LSAMP: variants seen among roughly 807,000 people sequenced by gnomAD.
LSAMP encodes limbic system associated membrane protein, also known as limbic system-associated membrane protein.
Under a neutral mutation model 38.6 loss-of-function variants are expected in LSAMP, and 7 were observed. The observed-to-expected ratio is 0.18, with a 90% CI of 0.10 to 0.34. LSAMP has a LOEUF of 0.34. Among genes scored for constraint, LSAMP ranks in the 10% least tolerant of loss-of-function variants. LSAMP has a pLI of 1.00. For missense variants in LSAMP, 313 were observed against 420.0 expected (o/e 0.75, Z 2.23); for synonymous variants, 154 against 166.8 (o/e 0.92, Z 0.59).
Position 115,810,222 on chromosome 3 carries a change from T to G in LSAMP, c.*95A>C. On this transcript the variant is annotated 3_prime_UTR_variant, in exon 7 of 7. Coordinates refer to ENST00000490035, the MANE Select transcript of LSAMP (RefSeq NM_002338.5). ...GTTGTGAAATAAACGGTCTCCCCCA[T>G]CTCTCTCTCTCTCTCTCTCTCTGTC... 1 of 288,364 alleles carries G rather than the reference T, an allele frequency of 3.5e-6. No homozygotes were observed. The highest frequency in any genetic ancestry group is 8.0e-5 in the South Asian group (1 of 12,522). The allele number at this position is 288,364 out of a possible 1,614,324, so 17.9% of individuals were successfully genotyped here. A position where few individuals can be genotyped will look rare whatever the true frequency, so the allele number is the denominator to read the frequency against.
At chr3:115,886,101 A>G (rs1486543786) in intron 3 of LSAMP, among the ~76,000 whole-genome samples, 2 of 151,932 alleles carry the variant, frequency 1.3e-5, no homozygotes, top group Non-Finnish European at 2.9e-5. Context: ...AAGCTCAAAA[A>G]AAGAGAAAGA....
intron 1 of LSAMP, among the ~76,000 whole-genome samples, chr3:116,270,504 C>CCAT (rs2046957153): frequency 6.6e-6 from 1 of 152,064 alleles, no homozygotes; most frequent in Non-Finnish European, 1.5e-5. Flanking sequence ...GGGTCTGAGG[C>CCAT]CATCAGCAGT....
At chr3:116,405,067 T>C (rs1461642485) in intron 1 of LSAMP, among the ~76,000 whole-genome samples, 1 of 152,136 alleles carries the variant, frequency 6.6e-6, no homozygotes, top group African/African-American at 2.4e-5. Flanking sequence ...TATTGGGCTA[T>C]CTGTAAGTTT....
At chr3:116,073,631 C>T (rs1707665410) in intron 2 of LSAMP, among the ~76,000 whole-genome samples, 1 of 152,136 alleles carries the variant, frequency 6.6e-6, no homozygotes, top group African/African-American at 2.4e-5. Context: ...TCCTTCACTT[C>T]CCTTGTTGGA....
intron 1 of LSAMP, among the ~76,000 whole-genome samples, chr3:116,332,668 A>T (rs1576135153): frequency 6.6e-6 from 1 of 152,284 alleles, no homozygotes; most frequent in East Asian, 1.9e-4. Flanking sequence ...ATGTAAATTG[A>T]TTAAACTCTA....
chr3:116,189,629 G>A (rs1710704995), intron 1 of LSAMP, among the ~76,000 whole-genome samples: 1 of 152,178 alleles, frequency 6.6e-6, no homozygotes. Context: ...CAGGGTAGAA[G>A]AAACGATTAG....
rs1933597119 is a variant in LSAMP at position 115,804,906 on chromosome 3, T to C, written c.*5411A>G. 1 of 152,182 alleles carries C rather than the reference T, an allele frequency of 6.6e-6. No homozygotes were observed. The highest frequency in any genetic ancestry group is 1.5e-5 in the Non-Finnish European group (1 of 68,020). The allele number at this position is 152,182 out of a possible 1,614,324, so 9.4% of individuals were successfully genotyped here. ...ACCAGATAAATAAAAGGTAGTTATTTCCTAGGGTGACTCAGCAAGATATTT... is the reference window on the plus strand; with the variant it reads ...ACCAGATAAATAAAAGGTAGTTATTCCCTAGGGTGACTCAGCAAGATATTT... On this transcript the variant is annotated 3_prime_UTR_variant, in exon 7 of 7. Transcript: ENST00000490035.
At chr3:115,869,647 C>T (rs1285689556) in intron 3 of LSAMP, among the ~76,000 whole-genome samples, 1 of 152,092 alleles carries the variant, frequency 6.6e-6, no homozygotes, top group Non-Finnish European at 1.5e-5. Flanking sequence ...TAGGTACTCA[C>T]TAAATATTAA....
At chr3:116,306,919 G>A (rs1196388176) in intron 1 of LSAMP, among the ~76,000 whole-genome samples, 1 of 151,894 alleles carries the variant, frequency 6.6e-6, no homozygotes, top group Non-Finnish European at 1.5e-5. Context: ...TAGGGTATAT[G>A]AGCTTCCCTG....
intron 1 of LSAMP, among the ~76,000 whole-genome samples, chr3:116,138,823 C>T (rs1576387619): frequency 1.4e-5 from 2 of 146,800 alleles, no homozygotes; most frequent in Non-Finnish European, 1.5e-5. Context: ...CGTAAATTGA[C>T]TTTTTTTTTT....
intron 3 of LSAMP, among the ~76,000 whole-genome samples, chr3:115,984,902 T>C (rs905389767): frequency 6.6e-6 from 1 of 152,056 alleles, no homozygotes. Context: ...GGTGTAAGAG[T>C]GCTTCTTATA....
rs575385000 is a variant in LSAMP, at chr3:116,137,794, C to T, written c.156-51238G>A. Reference sequence around the variant, plus strand: ...TAGAGAAGATCAGGCTGATATTAACCTAGATAATGATGGCCTTATCAAAGG... The same window carrying T: ...TAGAGAAGATCAGGCTGATATTAACTTAGATAATGATGGCCTTATCAAAGG... On this transcript the variant is annotated intron_variant, in intron 1 of 6. Coordinates refer to ENST00000490035, the MANE Select transcript of LSAMP (RefSeq NM_002338.5). Among the ~76,000 whole-genome samples, 5 of 152,206 alleles carry T rather than the reference C, an allele frequency of 3.3e-5. No homozygotes were observed. In the South Asian group the frequency reaches 1.0e-3, roughly 32 times the overall value.
At chr3:115,961,773 T>C (rs1938632463) in intron 3 of LSAMP, among the ~76,000 whole-genome samples, 1 of 152,210 alleles carries the variant, frequency 6.6e-6, no homozygotes, top group Non-Finnish European at 1.5e-5. Context: ...GAATAGAAGC[T>C]AAACTTCTAT....
At chr3:116,201,458 A>T (rs921153108) in intron 1 of LSAMP, among the ~76,000 whole-genome samples, 1 of 152,290 alleles carries the variant, frequency 6.6e-6, no homozygotes, top group Admixed American at 6.5e-5. Flanking sequence ...GTCAACTCCC[A>T]TCAGGAACCT....
chr3:116,039,184 G>C (rs1559929961), intron 2 of LSAMP, among the ~76,000 whole-genome samples: 1 of 152,148 alleles, frequency 6.6e-6, no homozygotes, highest in Non-Finnish European at 1.5e-5. Context: ...AAATCTTTTG[G>C]AAATGATTGA....
chr3:115,904,864 A>G (rs1430931491), intron 3 of LSAMP, among the ~76,000 whole-genome samples: 1 of 151,820 alleles, frequency 6.6e-6, no homozygotes, highest in Non-Finnish European at 1.5e-5. Flanking sequence ...CTGACTTCAC[A>G]CTCCTGCCTT....
At chr3:116,357,729 T>C (rs1194456588) in intron 1 of LSAMP, among the ~76,000 whole-genome samples, 1 of 152,140 alleles carries the variant, frequency 6.6e-6, no homozygotes, top group African/African-American at 2.4e-5. Flanking sequence ...TTTACAACCA[T>C]TGAGCCCAAT....
intron 6 of LSAMP, among the ~76,000 whole-genome samples, chr3:115,818,822 A>ATATATATATATATATATATATAT (rs55828725): frequency 3.5e-3 from 438 of 124,914 alleles, no homozygotes; most frequent in Non-Finnish European, 4.7e-3. Flanking sequence ...ATATATATAT[A>ATATATATATATATATATATATAT]ACTGCAGCAA....
At chr3:116,150,537 A>C (rs1488832642) in intron 1 of LSAMP, among the ~76,000 whole-genome samples, 2 of 152,002 alleles carry the variant, frequency 1.3e-5, no homozygotes, top group African/African-American at 2.4e-5. Context: ...AAAAGTGAAA[A>C]TGATGTTTCT....
Sources: allele counts gnomAD v4.1 joint callset (sites outside exome capture counted in the v4.1 genomes callset), GRCh38; gene constraint gnomAD v4.1.1; transcripts MANE v1.5; gene names NCBI Gene and HGNC (gene_info 2026-07-23, HGNC 2026-07-21).